The following NCAPD2 variants were observed in gnomAD, a reference collection of about 807,000 sequenced individuals.
NCAPD2 encodes non-SMC condensin I complex subunit D2.
A neutral mutation model predicts 164.5 loss-of-function variants in NCAPD2; 100 were observed. The observed-to-expected ratio is 0.61, with a 90% CI of 0.52 to 0.72. The LOEUF is 0.72. Ranked by LOEUF, NCAPD2 falls within the 30% of genes least tolerant of loss-of-function variation. The probability of loss-of-function intolerance (pLI) is 0.00; values close to 1 mark genes in which losing one functional copy is unlikely to be tolerated. For missense variants in NCAPD2, 1,560 were observed against 1,749.2 expected, an observed-to-expected ratio of 0.89 and a Z score of 1.93; for synonymous variants, 585 against 642.6, an observed-to-expected ratio of 0.91 and a Z score of 1.36.
intron 20 of NCAPD2, 38 bp downstream of exon 20, chr12:6,526,409 C>T: frequency 6.2e-7 from 1 of 1,614,148 alleles, no homozygotes; most frequent in Non-Finnish European, 8.5e-7. Flanking sequence ...GAATTGGGCC[C>T]TTTGTTGCAG....
intron 2 of NCAPD2, among the ~76,000 whole-genome samples, chr12:6,497,049 C>G (rs1346206275): frequency 6.6e-6 from 1 of 152,078 alleles, no homozygotes; most frequent in African/African-American, 2.4e-5. Flanking sequence ...ATAGAATTAC[C>G]CAGACTGGTT....
chr12:6,503,008 CTTTT>C (rs58563520), intron 2 of NCAPD2, among the ~76,000 whole-genome samples: 1 of 86,286 alleles, frequency 1.2e-5, no homozygotes, highest in Non-Finnish European at 2.3e-5. Context: ...CCACACCTGG[CTTTT>C]TTTTTTTTTT....
intron 13 of NCAPD2, 62 bp from the exon 14 acceptor site, chr12:6,520,924 G>A: frequency 6.2e-7 from 1 of 1,606,768 alleles, no homozygotes. Flanking sequence ...CATGAGGTAA[G>A]CTCCCTTACA....
At chr12:6,499,784 C>A (rs1946018294) in intron 2 of NCAPD2, among the ~76,000 whole-genome samples, 1 of 152,092 alleles carries the variant, frequency 6.6e-6, no homozygotes, top group Admixed American at 6.6e-5. Flanking sequence ...TTGGTGAGGA[C>A]CACTGTGTGT....
chr12:6,516,988 G>A lies in NCAPD2; in HGVS notation c.1148G>A (p.Arg383His), dbSNP rs1565543541. 3.7e-6 allele frequency: 6 copies of A among 1,614,100 alleles called. No homozygotes were observed. The highest frequency in any genetic ancestry group is 5.1e-6 in the Non-Finnish European group (6 of 1,179,988). ...GHDVNSFVRS[R>H]VLQLFTRIVQ... is the part of the protein sequence containing the mutation. Reference sequence around the variant, plus strand: ...GATGTCAACTCCTTTGTGCGGAGCCGTGTTTTGCAGCTCTTCACCCGAATT... The same window carrying A: ...GATGTCAACTCCTTTGTGCGGAGCCATGTTTTGCAGCTCTTCACCCGAATT... The change falls in exon 10 of 32, where the codon CGT becomes CAT. Residue 383 changes from arginine (R) to histidine (H), a missense_variant. Coordinates refer to ENST00000315579, the MANE Select transcript of NCAPD2 (RefSeq NM_014865.4).
intron 9 of NCAPD2, among the ~76,000 whole-genome samples, chr12:6,516,450 C>T (rs1309363841): frequency 2.0e-5 from 3 of 152,056 alleles, no homozygotes; most frequent in Non-Finnish European, 2.9e-5. Flanking sequence ...TGCAGTGAGC[C>T]GAGATGGCGC....
chr12:6,531,440 G>A lies in NCAPD2; in HGVS notation c.*28G>A, dbSNP rs886530481. 1.4e-5 allele frequency: 23 copies of A among 1,611,986 alleles called. 1 individual carries two copies. In the Admixed American group the frequency reaches 2.7e-4, roughly 19 times the overall value. On this transcript the variant is annotated 3_prime_UTR_variant, in exon 32 of 32. Transcript: ENST00000315579. This position sits in a 1 kb window ranked among gnomAD's most constrained non-coding sequence, Gnocchi z 4.1. ...AGTCTGTTCCTGTCCTCCCTGTGCA[G>A]GGTATCCTGTAGGGTGACCTGGAAT...
Position 6,527,048 on chromosome 12 carries a change from A to G in NCAPD2, c.2892A>G (p.Lys964=). ...VLREEQEHKT[K]DPKEKNTSSE... ...GGGAAGAACAGGAGCACAAGACCAAAGATCCCAAGGAGAAGGTGTGTGAAT... is the reference window on the plus strand; with the variant it reads ...GGGAAGAACAGGAGCACAAGACCAAGGATCCCAAGGAGAAGGTGTGTGAAT... Residue 964 remains lysine, a synonymous_variant, in exon 22 of 32, where the codon AAA becomes AAG. Transcript: ENST00000315579. 1 of 1,612,270 alleles carries G rather than the reference A, an allele frequency of 6.2e-7. No individual in the cohort carries two copies. The highest frequency in any genetic ancestry group is 8.5e-7 in the Non-Finnish European group (1 of 1,178,780).
At chr12:6,516,366 G>A (rs911911148) in intron 9 of NCAPD2, among the ~76,000 whole-genome samples, 6 of 152,162 alleles carry the variant, frequency 3.9e-5, no homozygotes, top group Admixed American at 2.6e-4. Context: ...GCTGGGTGTG[G>A]TGGCGGGCAC....
At chr12:6,510,466 G>C in intron 4 of NCAPD2, 163 bp from the exon 5 acceptor site, 1 of 849,968 alleles carries the variant, frequency 1.2e-6, no homozygotes, top group Non-Finnish European at 2.0e-6. Context: ...GCATGTTCAG[G>C]GTATCAGGGC....
intron 6 of NCAPD2, 37 bp from the exon 7 acceptor site, chr12:6,514,228 C>G (rs149616374): frequency 1.2e-6 from 2 of 1,613,702 alleles, no homozygotes; most frequent in African/African-American, 2.7e-5. Context: ...TGGATTCAGA[C>G]AGCTGCTTTC....
In NCAPD2 at chr12:6,526,601, G is replaced by A; in HGVS notation, c.2720G>A (p.Ser907Asn). The A allele has an allele frequency of 6.2e-7, 1 of 1,613,740 alleles. No homozygotes were observed. Among genetic ancestry groups the A allele is most frequent in the Non-Finnish European group, 8.5e-7 (1 of 1,179,660 alleles). The stretch of plus-strand genomic sequence containing the variant: ...GAGAAGCTAGAAGAGAAGAGAACCA[G>A]TCAGGAGGACCCGAGTAAGTGGGCA... ...ALEKLEEKRT[S>N]QEDPKESPAM... The change falls in exon 21 of 32, where the codon AGT becomes AAT. Residue 907 changes from serine (S) to asparagine (N), a missense_variant. Ser to Asn is a conservative substitution (Grantham distance 46). Transcript: ENST00000315579.
Position 6,527,070 on chromosome 12 carries a change from G to C in NCAPD2, c.2907+7G>C, listed in dbSNP as rs756508140. 6.2e-7 allele frequency: 1 copy of C among 1,605,852 alleles called. No homozygotes were observed. ...CAAAGATCCCAAGGAGAAGGTGTGT[G>C]AATGTCCTCAGCACTTCCCAGATTT... On this transcript the variant is annotated splice_region_variant and intron_variant, in intron 22 of 31. Transcript: ENST00000315579.
intron 2 of NCAPD2, among the ~76,000 whole-genome samples, chr12:6,497,713 G>C (rs950223205): frequency 6.6e-5 from 10 of 150,756 alleles, no homozygotes; most frequent in Non-Finnish European, 1.5e-4. Flanking sequence ...TCCGCCTCCC[G>C]AGTTCAAGTG....
At chr12:6,519,520 C>G (rs956782786) in intron 13 of NCAPD2, among the ~76,000 whole-genome samples, 1 of 152,184 alleles carries the variant, frequency 6.6e-6, no homozygotes, top group Non-Finnish European at 1.5e-5. Flanking sequence ...TAATTTGTAG[C>G]TGGGATTACA....
chr12:6,498,895 C>T (rs1001498182), intron 2 of NCAPD2, among the ~76,000 whole-genome samples: 2 of 152,104 alleles, frequency 1.3e-5, no homozygotes, highest in Non-Finnish European at 2.9e-5. Context: ...TGAGCCACTG[C>T]GCCTGGCCTG....
rs192380744 is a variant in NCAPD2, at chr12:6,494,190, A to G, written c.-24+36A>G. 2.6e-5 allele frequency: 4 copies of G among 152,416 alleles called. No homozygotes were observed. In the East Asian group the frequency reaches 7.7e-4, roughly 29 times the overall value. 9.4% of individuals were successfully genotyped at this position (152,416 alleles called of 1,614,324 possible). A position where few individuals can be genotyped will look rare whatever the true frequency, so the allele number is the denominator to read the frequency against. ...GTGTTGCAGGTCGTAAAAGAGTAGGAAAGTCGAGTACATGGCAGTGTGACC... is the reference window on the plus strand; with the variant it reads ...GTGTTGCAGGTCGTAAAAGAGTAGGGAAGTCGAGTACATGGCAGTGTGACC... On this transcript the variant is annotated intron_variant, in intron 1 of 31. Transcript: ENST00000315579.
At position 6,510,765 on chromosome 12, in the gene NCAPD2, C is replaced by T. The variant is rs371710232; in HGVS notation, c.399C>T (p.Thr133=). 1 of 1,614,132 alleles carries T rather than the reference C, an allele frequency of 6.2e-7. No homozygotes were observed. The highest frequency in any genetic ancestry group is 8.5e-7 in the Non-Finnish European group (1 of 1,180,034). The change falls in exon 5 of 32, where the codon ACC becomes ACT. Residue 133 remains threonine (T), a synonymous_variant. Transcript: ENST00000315579. ...TACGTCTCCTGGAATCCTTTGAGAC[C>T]ATGGCCAGCCAGACAAACCTTGTGG... is the stretch of plus-strand genomic sequence containing the variant. ...ALIRLLESFE[T]MASQTNLVDL...
rs1490023896 is a variant in NCAPD2 at position 6,531,266 on chromosome 12, AT to A, written c.4121-60del. 1 of 1,545,526 alleles carries A rather than the reference AT, an allele frequency of 6.5e-7. No homozygotes were observed. Among genetic ancestry groups the A allele is most frequent in the African/African-American group, 1.4e-5 (1 of 73,206 alleles). On this transcript the variant is annotated intron_variant, in intron 31 of 31. Transcript: ENST00000315579. The surrounding 1 kb of genome is among the most constrained non-coding windows in gnomAD (Gnocchi z 4.1). Reference sequence around the variant, plus strand: ...GGGATTGTCTCACTTGTTCTCTGATATCTATTTTTTCACCATCTTTGTGACT... The same window carrying A: ...GGGATTGTCTCACTTGTTCTCTGATACTATTTTTTCACCATCTTTGTGACT...
Sources: allele counts gnomAD v4.1 joint callset (sites outside exome capture counted in the v4.1 genomes callset), GRCh38; gene constraint gnomAD v4.1.1; non-coding constraint Gnocchi (gnomAD v3.1); transcripts MANE v1.5; gene names NCBI Gene and HGNC (gene_info 2026-07-23, HGNC 2026-07-21).